The following ATF7 variants were observed in gnomAD, a reference collection of about 807,000 sequenced individuals.
ATF7 encodes cyclic AMP-dependent transcription factor ATF-7.
In ATF7, 10 loss-of-function variants were observed where a neutral mutation model predicts 50.4. The observed-to-expected ratio is 0.20, with a 90% CI of 0.12 to 0.34. The LOEUF is 0.34. Among genes scored for constraint, ATF7 ranks in the 10% least tolerant of loss-of-function variants. The probability of loss-of-function intolerance (pLI) is 1.00; values close to 1 mark genes in which losing one functional copy is unlikely to be tolerated. For missense variants in ATF7, 465 were observed against 613.9 expected, an observed-to-expected ratio of 0.76 and a Z score of 2.56; for synonymous variants, 201 against 226.4, an observed-to-expected ratio of 0.89 and a Z score of 1.01.
chr12:53,537,152 C>T (rs1939271386), intron 5 of ATF7, among the ~76,000 whole-genome samples: 1 of 151,596 alleles, frequency 6.6e-6, no homozygotes, highest in Non-Finnish European at 1.5e-5. Flanking sequence ...TCACTGCAGC[C>T]TCGACCTCTA....
At chr12:53,620,161 G>A (rs986740559) in intron 1 of ATF7, among the ~76,000 whole-genome samples, 15 of 151,706 alleles carry the variant, frequency 9.9e-5, no homozygotes, top group Non-Finnish European at 1.6e-4. Context: ...AACCATGGCC[G>A]AGCACGGTGG....
At chr12:53,571,664 A>T (rs1428191758) in intron 2 of ATF7, among the ~76,000 whole-genome samples, 1 of 151,206 alleles carries the variant, frequency 6.6e-6, no homozygotes, top group Non-Finnish European at 1.5e-5. Flanking sequence ...GGGAGCAGGG[A>T]GACAAATCCG....
In ATF7 at chr12:53,514,291, C is replaced by T. The variant is rs1015154178; in HGVS notation, c.*2846G>A. 6.6e-6 allele frequency: 1 copy of T among 152,130 alleles called. No individual in the cohort carries two copies. Among genetic ancestry groups the T allele is most frequent in the African/African-American group, 2.4e-5 (1 of 41,394 alleles). The allele number at this position is 152,130 out of a possible 1,614,324, so 9.4% of individuals were successfully genotyped here. A position where few individuals can be genotyped will look rare whatever the true frequency, so the allele number is the denominator to read the frequency against. Reference sequence around the variant, plus strand: ...GTGGGAAGCCTGAGTCCTGTATTCACATGAACGAATTCAGGACACCCACCA... The same window carrying T: ...GTGGGAAGCCTGAGTCCTGTATTCATATGAACGAATTCAGGACACCCACCA... On this transcript the variant is annotated 3_prime_UTR_variant, in exon 12 of 12. Coordinates refer to ENST00000420353, the MANE Select transcript of ATF7 (RefSeq NM_006856.3).
chr12:53,616,233 G>GT (rs1944111019), intron 1 of ATF7, among the ~76,000 whole-genome samples: 1 of 151,996 alleles, frequency 6.6e-6, no homozygotes, highest in African/African-American at 2.4e-5. Context: ...TTACTTTTGG[G>GT]TTTTTTTGAG....
chr12:53,516,958 G>A lies in ATF7; in HGVS notation c.*179C>T, dbSNP rs986592684. 1.4e-6 allele frequency: 1 copy of A among 711,454 alleles called. No homozygotes were observed. Among genetic ancestry groups the A allele is most frequent in the Admixed American group, 2.6e-5 (1 of 38,962 alleles). The allele number at this position is 711,454 out of a possible 1,614,324, so 44.1% of individuals were successfully genotyped here. On this transcript the variant is annotated 3_prime_UTR_variant, in exon 12 of 12. Transcript: ENST00000420353. ...CCGGGGCTGGGAGGCCCCCAGCACA[G>A]GTGTCAAACGTACATGACCACATGG...
intron 2 of ATF7, among the ~76,000 whole-genome samples, chr12:53,583,838 A>G (rs1942551596): frequency 6.6e-6 from 1 of 152,262 alleles, no homozygotes; most frequent in Non-Finnish European, 1.5e-5. Flanking sequence ...AGAACTCTTA[A>G]AACTGAACAG....
At chr12:53,579,518 C>T (rs905805630) in intron 2 of ATF7, among the ~76,000 whole-genome samples, 1 of 150,014 alleles carries the variant, frequency 6.7e-6, no homozygotes, top group African/African-American at 2.5e-5. Flanking sequence ...TGCCACTGCA[C>T]TCCACCCTGG....
rs1364338404 is a variant in ATF7, at chr12:53,580,235, A to T, written c.48+20718T>A. Among the ~76,000 whole-genome samples, 3 of 151,562 alleles carry T rather than the reference A, an allele frequency of 2.0e-5. No homozygotes were observed. The East Asian group carries it at 5.9e-4, about 30-fold the overall frequency. ...CGTGAGCTACCACACCCGGCCTCAC[A>T]AACCTTTTATCTAATAAAACAAAAT... is the stretch of plus-strand genomic sequence containing the variant. On this transcript the variant is annotated intron_variant, in intron 2 of 11. Transcript: ENST00000420353.
At chr12:53,595,049 A>T (rs776432499) in intron 2 of ATF7, among the ~76,000 whole-genome samples, 1 of 152,226 alleles carries the variant, frequency 6.6e-6, no homozygotes, top group Non-Finnish European at 1.5e-5. Context: ...CATTTGGCCT[A>T]ATTTGTGTAT....
Position 53,525,582 on chromosome 12 carries a change from T to C in ATF7, c.928-821A>G, listed in dbSNP as rs539388616. ...ACATATGAGTTATTATGGGGAGATA[T>C]AGATAAGTGTATTATTTTTATTTAT... is the stretch of plus-strand genomic sequence containing the variant. On this transcript the variant is annotated intron_variant, in intron 9 of 11. Transcript: ENST00000420353. Among the ~76,000 whole-genome samples, 3 of 152,206 alleles carry C rather than the reference T, an allele frequency of 2.0e-5. No individual in the cohort carries two copies. The South Asian group carries it at 6.2e-4, about 31-fold the overall frequency.
intron 2 of ATF7, among the ~76,000 whole-genome samples, chr12:53,580,499 C>T (rs1942364863): frequency 6.7e-6 from 1 of 149,636 alleles, no homozygotes; most frequent in African/African-American, 2.4e-5. Flanking sequence ...CCCATCTCTA[C>T]TAAAAATACA....
chr12:53,613,223 C>A (rs1029569199), intron 1 of ATF7, among the ~76,000 whole-genome samples: 4 of 150,284 alleles, frequency 2.7e-5, no homozygotes, highest in Non-Finnish European at 4.4e-5. Flanking sequence ...ATAATCCTTT[C>A]TTTTCCCATT....
At chr12:53,555,496 T>A (rs1201875951) in intron 2 of ATF7, among the ~76,000 whole-genome samples, 66 of 58,604 alleles carry the variant, frequency 1.1e-3, no homozygotes, top group Admixed American at 2.2e-3. Context: ...TATAATTTTT[T>A]TTTTTTTTTT....
At chr12:53,555,118 G>A (rs978194585) in intron 2 of ATF7, among the ~76,000 whole-genome samples, 12 of 151,920 alleles carry the variant, frequency 7.9e-5, no homozygotes, top group Admixed American at 7.9e-4. Flanking sequence ...TCAGGAGTTC[G>A]AGACCAGACT....
downstream of ATF7, among the ~76,000 whole-genome samples, chr12:53,509,273 A>G (rs979929328): frequency 1.3e-5 from 2 of 152,160 alleles, no homozygotes; most frequent in Admixed American, 1.3e-4. Context: ...TAGAACAGGT[A>G]TCCTCAAAAC....
rs1944211900 is a variant in ATF7 at position 53,513,978 on chromosome 12, C to T, written c.*3159G>A. The T allele has an allele frequency of 6.6e-6, 1 of 152,164 alleles. No homozygotes were observed. Among genetic ancestry groups the T allele is most frequent in the South Asian group, 2.1e-4 (1 of 4,824 alleles). 9.4% of individuals were successfully genotyped at this position (152,164 alleles called of 1,614,324 possible). On this transcript the variant is annotated 3_prime_UTR_variant, in exon 12 of 12. Transcript: ENST00000420353. Reference sequence around the variant, plus strand: ...TTAACCACTACTTAGAGTACATGGTCTAATGCTTAGGGCCAAGGAGGGAGG... The same window carrying T: ...TTAACCACTACTTAGAGTACATGGTTTAATGCTTAGGGCCAAGGAGGGAGG...
intron 3 of ATF7, among the ~76,000 whole-genome samples, chr12:53,548,038 T>A (rs1592842043): frequency 1.9e-5 from 1 of 51,286 alleles, no homozygotes; most frequent in South Asian, 6.8e-4. Context: ...TGCCTAGCTA[T>A]TTTTTTTGGT....
At chr12:53,615,438 T>C (rs1944082271) in intron 1 of ATF7, among the ~76,000 whole-genome samples, 1 of 152,108 alleles carries the variant, frequency 6.6e-6, no homozygotes, top group African/African-American at 2.4e-5. Context: ...GTCATGTTGG[T>C]ACCAGAAATA....
chr12:53,611,716 G>A (rs984737704), intron 1 of ATF7, among the ~76,000 whole-genome samples: 2 of 151,982 alleles, frequency 1.3e-5, no homozygotes, highest in Admixed American at 6.6e-5. Context: ...TCAGCCTCCT[G>A]AATAGCTGAG....
Sources: allele counts gnomAD v4.1 joint callset (sites outside exome capture counted in the v4.1 genomes callset), GRCh38; gene constraint gnomAD v4.1.1; transcripts MANE v1.5; gene names NCBI Gene and HGNC (gene_info 2026-07-23, HGNC 2026-07-21).